Variants in PCDHGA4 observed in about 807,000 individuals in gnomAD.
The protein encoded by PCDHGA4 is protocadherin gamma-A4.
PCDHGA4 carries 38 observed loss-of-function variants against 54.6 expected under a neutral mutation model. That is an observed-to-expected ratio of 0.70 (90% CI 0.54 to 0.91). The LOEUF is 0.91. Among genes scored for constraint, PCDHGA4 ranks in the 40% least tolerant of loss-of-function variants. The pLI, the probability that PCDHGA4 is intolerant of heterozygous loss-of-function variation, is 0.00. For synonymous variants in PCDHGA4, 511 were observed against 512.9 expected (o/e 1.00, Z 0.05); for missense variants, 1,298 against 1,220.9 (o/e 1.06, Z -0.94).
chr5:141,382,871 G>T (rs764156663), intron 1 of PCDHGA4: 3 of 1,520,506 alleles, frequency 2.0e-6, no homozygotes, highest in East Asian at 2.3e-5. Flanking sequence ...TCCCGAGATC[G>T]GCGCCTAAGC....
chr5:141,360,880 G>C, intron 1 of PCDHGA4: 1 of 1,614,004 alleles, frequency 6.2e-7, no homozygotes, highest in Non-Finnish European at 8.5e-7. Flanking sequence ...CGTGTACAGG[G>C]TCACCCTGAG....
At chr5:141,392,885 G>C in intron 1 of PCDHGA4, 1 of 1,613,654 alleles carries the variant, frequency 6.2e-7, no homozygotes, top group Non-Finnish European at 8.5e-7. Flanking sequence ...GAACGCTGTG[G>C]GAAATCGGGA....
intron 1 of PCDHGA4, among the ~76,000 whole-genome samples, chr5:141,461,968 C>A (rs2099027589): frequency 6.6e-6 from 1 of 152,204 alleles, no homozygotes; most frequent in African/African-American, 2.4e-5. Context: ...GGATTCCAGG[C>A]ATATGCCACC....
intron 2 of PCDHGA4, 58 bp downstream of exon 2, chr5:141,494,923 G>T: frequency 6.2e-7 from 1 of 1,613,698 alleles, no homozygotes; most frequent in Non-Finnish European, 8.5e-7. Context: ...CAGGGATGAC[G>T]TGGGAGGAGA....
At chr5:141,453,071 C>G (rs561248978) in intron 1 of PCDHGA4, among the ~76,000 whole-genome samples, 13 of 152,150 alleles carry the variant, frequency 8.5e-5, no homozygotes, top group South Asian at 2.1e-4. Flanking sequence ...TTTTGCCACA[C>G]TCTGGTTGAT....
intron 1 of PCDHGA4, chr5:141,384,121 A>G (rs1779757093): frequency 1.2e-6 from 2 of 1,609,374 alleles, no homozygotes; most frequent in African/African-American, 1.3e-5. Context: ...GGTCACAACC[A>G]AAAACTTGGA....
intron 1 of PCDHGA4, chr5:141,405,187 G>T (rs372851700): frequency 9.3e-6 from 15 of 1,613,480 alleles, no homozygotes; most frequent in Non-Finnish European, 1.3e-5. Flanking sequence ...GTGTAGATGG[G>T]GTTCGAGCTT....
intron 1 of PCDHGA4, chr5:141,383,042 T>C (rs1397489820): frequency 6.2e-7 from 1 of 1,613,842 alleles, no homozygotes; most frequent in Non-Finnish European, 8.5e-7. Flanking sequence ...GTGGGAGACA[T>C]CGCCAAGGAC....
chr5:141,442,414 ACTT>A (rs1258523193), intron 1 of PCDHGA4: 2 of 152,190 alleles, frequency 1.3e-5, no homozygotes, highest in Non-Finnish European at 2.9e-5. Flanking sequence ...GGCTGAGTGA[ACTT>A]CTTTTTTGAA....
intron 1 of PCDHGA4, chr5:141,419,742 T>C (rs1388509503): frequency 2.5e-5 from 41 of 1,613,742 alleles, no homozygotes; most frequent in Non-Finnish European, 3.5e-5. Context: ...GAGGTGCGCA[T>C]GGTGCGTGCT....
chr5:141,399,720 C>A, intron 1 of PCDHGA4: 1 of 1,613,306 alleles, frequency 6.2e-7, no homozygotes, highest in Non-Finnish European at 8.5e-7. Context: ...TACAGGCCCG[C>A]GACCAGGGCT....
At chr5:141,482,074 A>G (rs1349748840) in intron 1 of PCDHGA4, among the ~76,000 whole-genome samples, 2 of 142,830 alleles carry the variant, frequency 1.4e-5, no homozygotes, top group Non-Finnish European at 3.0e-5. Context: ...AACAAGAACA[A>G]AACTCACTCC....
chr5:141,375,075 C>A lies in PCDHGA4; in HGVS notation c.2514+17454C>A. The stretch of plus-strand genomic sequence containing the variant: ...GATGGGCCAGGTCTTCGAGACAGAG[C>A]GAAAGTCTTAATAACTATCTTGGAT... On this transcript the variant is annotated intron_variant, in intron 1 of 3. Transcript: ENST00000571252. 4 of 1,613,926 alleles carry A rather than the reference C, an allele frequency of 2.5e-6. No individual in the cohort carries two copies. The highest frequency in any genetic ancestry group is 1.6e-4 in the Middle Eastern group (1 of 6,062).
chr5:141,400,593 T>C (rs768255831), intron 1 of PCDHGA4: 1 of 1,602,992 alleles, frequency 6.2e-7, no homozygotes, highest in Admixed American at 1.7e-5. Flanking sequence ...GAAACTATCG[T>C]ACATTTTCAA....
In PCDHGA4 at chr5:141,360,884, C is replaced by T; in HGVS notation, c.2514+3263C>T. 1 of 1,614,020 alleles carries T rather than the reference C, an allele frequency of 6.2e-7. No individual in the cohort carries two copies. Among genetic ancestry groups the T allele is most frequent in the Non-Finnish European group, 8.5e-7 (1 of 1,179,908 alleles). On this transcript the variant is annotated intron_variant, in intron 1 of 3. Coordinates refer to ENST00000571252, the MANE Select transcript of PCDHGA4 (RefSeq NM_018917.4). ...TTCAGCCAGGACGTGTACAGGGTCA[C>T]CCTGAGGGAGGACGTGCCGCCGGGC...
intron 1 of PCDHGA4, chr5:141,418,060 A>G (rs2096216821): frequency 1.2e-6 from 2 of 1,613,850 alleles, no homozygotes; most frequent in Admixed American, 1.7e-5. Flanking sequence ...GCGAGCTGCG[A>G]GTGAGCGCGG....
rs373418210 is a variant in PCDHGA4, at chr5:141,357,669, G to A, written c.2514+48G>A. 7.4e-4 allele frequency: 1,188 copies of A among 1,597,338 alleles called. 1 individual carries two copies. The highest frequency in any genetic ancestry group is 1.1e-3 in the Admixed American group (63 of 57,898). On this transcript the variant is annotated intron_variant, in intron 1 of 3. Coordinates refer to ENST00000571252, the MANE Select transcript of PCDHGA4 (RefSeq NM_018917.4). The stretch of plus-strand genomic sequence containing the variant: ...CATACCACACTGAAATATAGACAAA[G>A]AGTTGTGTAAATGTCTCTCATTTTA...
Position 141,374,926 on chromosome 5 carries a change from T to G in PCDHGA4, c.2514+17305T>G. ...TCCACGGGGAAGTAACTTATTCCTT[T>G]GTGAAGATTACAGAAAAGATCTCAC... is the stretch of plus-strand genomic sequence containing the variant. On this transcript the variant is annotated intron_variant, in intron 1 of 3. Coordinates refer to ENST00000571252, the MANE Select transcript of PCDHGA4 (RefSeq NM_018917.4). The G allele has an allele frequency of 3.1e-6, 5 of 1,613,970 alleles. No individual in the cohort carries two copies. In the South Asian group the frequency reaches 5.5e-5, roughly 18 times the overall value.
At position 141,388,118 on chromosome 5, in the gene PCDHGA4, C is replaced by A. The variant is rs771996326; in HGVS notation, c.2514+30497C>A. The A allele has an allele frequency of 1.1e-5, 15 of 1,412,700 alleles. No homozygotes were observed. In the Admixed American group the frequency reaches 3.0e-4, roughly 28 times the overall value. The allele number at this position is 1,412,700 out of a possible 1,614,324, so 87.5% of individuals were successfully genotyped here. A position where few individuals can be genotyped will look rare whatever the true frequency, so the allele number is the denominator to read the frequency against. On this transcript the variant is annotated intron_variant, in intron 1 of 3. Coordinates refer to ENST00000571252, the MANE Select transcript of PCDHGA4 (RefSeq NM_018917.4). ...CGGAGAAGCCTTACTTCACCGTGAG[C>A]GCAGAGAGCGGGGAGTTGCTTGTGA...
Sources: gnomAD v4.1 joint callset for allele counts (sites outside exome capture counted in the v4.1 genomes callset) on GRCh38, gnomAD v4.1.1 for gene constraint, MANE v1.5 for transcripts, NCBI Gene and HGNC (gene_info 2026-07-23, HGNC 2026-07-21) for gene names.